Variants in PIGU observed in about 807,000 individuals in gnomAD.
PIGU encodes the protein GPI-anchor transamidase component PIGU.
PIGU carries 24 observed loss-of-function variants against 49.9 expected under a neutral mutation model. The observed-to-expected ratio is 0.48, with a 90% confidence interval of 0.35 to 0.68. The LOEUF (loss-of-function observed/expected upper bound fraction) is 0.68, where lower values mean the gene tolerates loss of function less well. Among genes scored for constraint, PIGU ranks in the 30% least tolerant of loss-of-function variants. The pLI, the probability that PIGU is intolerant of heterozygous loss-of-function variation, is 0.01. For missense variants in PIGU, 490 were observed against 532.6 expected, an observed-to-expected ratio of 0.92 and a Z score of 0.79; for synonymous variants, 220 against 205.7, an observed-to-expected ratio of 1.07 and a Z score of -0.59.
At chr20:34,666,611 C>G (rs1278634490) in intron 1 of PIGU, among the ~76,000 whole-genome samples, 1 of 151,228 alleles carries the variant, frequency 6.6e-6, no homozygotes, top group Non-Finnish European at 1.5e-5. Flanking sequence ...CTCACTGCAG[C>G]CTTAACCTCC....
chr20:34,654,677 A>C lies in PIGU; in HGVS notation c.195+2503T>G, dbSNP rs182222023. On this transcript the variant is annotated intron_variant, in intron 2 of 11. Transcript: ENST00000217446. ...AGAGCCAAAAAACAAACAAAAAAAA[A>C]CTGTTCTCAAAGTACATATGAGAGA... 8.6e-3 allele frequency among the ~76,000 whole-genome samples: 1,037 copies of C among 120,288 alleles called. 272 individuals carry two copies. Among genetic ancestry groups the C allele is most frequent in the African/African-American group, 0.03 (986 of 32,760 alleles). The allele number at this position is 120,288 out of a possible 152,430, so 78.9% of individuals were successfully genotyped here. A position where few individuals can be genotyped will look rare whatever the true frequency, so the allele number is the denominator to read the frequency against.
chr20:34,590,622 A>G (rs1490210165), intron 7 of PIGU, among the ~76,000 whole-genome samples: 1 of 152,016 alleles, frequency 6.6e-6, no homozygotes, highest in Admixed American at 6.6e-5. Context: ...ATAACATAAC[A>G]TAACATAACA....
intron 2 of PIGU, among the ~76,000 whole-genome samples, chr20:34,646,519 C>T (rs918643790): frequency 6.6e-6 from 1 of 152,088 alleles, no homozygotes. Context: ...AGTGATTCTC[C>T]TGCCTCAGCC....
At chr20:34,657,946 C>A (rs1366052195) in intron 1 of PIGU, among the ~76,000 whole-genome samples, 4 of 134,982 alleles carry the variant, frequency 3.0e-5, no homozygotes, top group Non-Finnish European at 6.6e-5. Context: ...CTCCCTCTCC[C>A]TCACCCTCTC....
chr20:34,644,769 A>G (rs1036554191), intron 3 of PIGU, among the ~76,000 whole-genome samples: 4 of 152,168 alleles, frequency 2.6e-5, no homozygotes, highest in Non-Finnish European at 5.9e-5. Flanking sequence ...GACTCACAGA[A>G]TCTCTTGGCA....
intron 10 of PIGU, among the ~76,000 whole-genome samples, chr20:34,580,108 GAC>G (rs1381430229): frequency 6.6e-6 from 1 of 152,228 alleles, no homozygotes; most frequent in Non-Finnish European, 1.5e-5. Flanking sequence ...TGGGATGAAA[GAC>G]AGTCACTGAG....
chr20:34,644,321 A>G, intron 3 of PIGU, 95 bp from the exon 4 acceptor site: 3 of 953,086 alleles, frequency 3.1e-6, no homozygotes, highest in East Asian at 5.2e-5. Context: ...ATAGTGATGG[A>G]CTACCAAGTA....
At chr20:34,636,326 T>A (rs191667068) in intron 5 of PIGU, among the ~76,000 whole-genome samples, 97 of 152,200 alleles carry the variant, frequency 6.4e-4, no homozygotes, top group African/African-American at 2.2e-3. Flanking sequence ...GTGGATCATT[T>A]GAGGTCAGGA....
intron 1 of PIGU, among the ~76,000 whole-genome samples, chr20:34,663,510 A>T (rs1986990811): frequency 6.6e-6 from 1 of 152,062 alleles, no homozygotes; most frequent in South Asian, 2.1e-4. Flanking sequence ...AGAAAAGAAA[A>T]AAGACCACTA....
At chr20:34,600,355 C>T (rs184348117) in intron 7 of PIGU, among the ~76,000 whole-genome samples, 1 of 150,126 alleles carries the variant, frequency 6.7e-6, no homozygotes, top group Non-Finnish European at 1.5e-5. Flanking sequence ...TGCAGTGAGC[C>T]GAGATCATGC....
At chr20:34,637,252 A>G (rs977371525) in intron 5 of PIGU, among the ~76,000 whole-genome samples, 4 of 152,242 alleles carry the variant, frequency 2.6e-5, no homozygotes, top group African/African-American at 9.6e-5. Context: ...GTATATCCCT[A>G]GAAACTGGTA....
At chr20:34,674,752 C>A (rs1421995135) in intron 1 of PIGU, among the ~76,000 whole-genome samples, 1 of 151,804 alleles carries the variant, frequency 6.6e-6, no homozygotes, top group Non-Finnish European at 1.5e-5. Flanking sequence ...CATGGTGAAA[C>A]CCCATCTCTA....
chr20:34,620,087 G>A (rs1985149908), intron 6 of PIGU, among the ~76,000 whole-genome samples: 1 of 152,050 alleles, frequency 6.6e-6, no homozygotes. Context: ...AAGCACCAAA[G>A]GAACCTTCTA....
At chr20:34,625,760 CCCAACT>C (rs1985461277) in intron 6 of PIGU, among the ~76,000 whole-genome samples, 2 of 147,646 alleles carry the variant, frequency 1.4e-5, no homozygotes, top group South Asian at 4.6e-4. Context: ...AAGAAAAAAA[CCCAACT>C]AGGCATGGTG....
chr20:34,640,250 G>A (rs559895894), intron 4 of PIGU, among the ~76,000 whole-genome samples: 1 of 152,282 alleles, frequency 6.6e-6, no homozygotes, highest in African/African-American at 2.4e-5. Flanking sequence ...CTTTAAAACA[G>A]AAAGATCTTC....
chr20:34,587,347 T>C (rs1600602532), intron 8 of PIGU, among the ~76,000 whole-genome samples: 1 of 152,186 alleles, frequency 6.6e-6, no homozygotes, highest in African/African-American at 2.4e-5. Context: ...TCCAGAGTTT[T>C]GTCGGGGGGG....
intron 11 of PIGU, among the ~76,000 whole-genome samples, chr20:34,572,653 C>CA (rs1983063099): frequency 6.6e-6 from 1 of 152,036 alleles, no homozygotes; most frequent in Admixed American, 6.5e-5. Flanking sequence ...GACTCTATCT[C>CA]AAAAAATAAA....
intron 1 of PIGU, among the ~76,000 whole-genome samples, chr20:34,673,837 G>A (rs918757072): frequency 2.0e-5 from 3 of 150,068 alleles, no homozygotes; most frequent in African/African-American, 7.4e-5. Context: ...GGCGGATCAC[G>A]AGGTCAGGAG....
At chr20:34,657,374 C>T (rs1986735951) in intron 1 of PIGU, 130 bp from the exon 2 acceptor site, 1 of 651,068 alleles carries the variant, frequency 1.5e-6, no homozygotes, top group East Asian at 2.7e-5. Context: ...CAGCAAGTGG[C>T]TTTAAGTCTT....
Sources: gnomAD v4.1 joint callset for allele counts (sites outside exome capture counted in the v4.1 genomes callset) on GRCh38, gnomAD v4.1.1 for gene constraint, MANE v1.5 for transcripts, NCBI Gene and HGNC (gene_info 2026-07-23, HGNC 2026-07-21) for gene names.